Variants in FGD1 observed in about 807,000 individuals in gnomAD.
FGD1 encodes the protein FYVE, RhoGEF and PH domain containing 1.
FGD1 carries 12 observed loss-of-function variants against 65.0 expected under a neutral mutation model. The ratio of observed to expected loss-of-function variants is 0.18; its 90% CI spans 0.12 to 0.30. The LOEUF (loss-of-function observed/expected upper bound fraction) is 0.30. Among genes scored for constraint, FGD1 ranks in the 10% least tolerant of loss-of-function variants. The pLI is 1.00. For synonymous variants in FGD1, 333 were observed against 343.9 expected (o/e 0.97, Z 0.35); for missense variants, 542 against 837.6 (o/e 0.65, Z 4.36).
At chrX:54,452,609 G>A (rs554094230) in intron 12 of FGD1, among the ~76,000 whole-genome samples, 8 of 110,673 alleles carry the variant, frequency 7.2e-5, no homozygotes, top group Admixed American at 5.8e-4. Context: ...AGCCGGGCGC[G>A]GTGGCATGCA....
intron 12 of FGD1, among the ~76,000 whole-genome samples, chrX:54,451,288 ATTCTT>A (rs1922371482): frequency 9.3e-6 from 1 of 107,101 alleles, no homozygotes; most frequent in Non-Finnish European, 1.9e-5. Flanking sequence ...TTCTGACTGT[ATTCTT>A]TTTTTTTTTG....
Position 54,448,953 on chromosome X carries a change from C to T in FGD1, c.2289G>A (p.Lys763=), listed in dbSNP as rs150865566. 277 of 1,209,024 alleles carry T rather than the reference C, an allele frequency of 2.3e-4. 1 individual carries two copies. Among genetic ancestry groups the T allele is most frequent in the Non-Finnish European group, 2.9e-4 (258 of 894,521 alleles). Residue 763 remains lysine, a synonymous_variant, in exon 16 of 18, where the codon AAG becomes AAA. Coordinates refer to ENST00000375135, the MANE Select transcript of FGD1 (RefSeq NM_004463.3). The part of the protein sequence containing the change: ...CKACGHVVCG[K]CSEFRARLVY... ...CGAGGCGGGCCCGGAACTCGGAGCA[C>T]TTCCCACAAACCACCTGGGGTGGCA... is the stretch of plus-strand genomic sequence containing the variant.
chrX:54,465,405 C>A, intron 8 of FGD1, 46 bp downstream of exon 8: 1 of 1,181,445 alleles, frequency 8.5e-7, no homozygotes, highest in Non-Finnish European at 1.1e-6. Context: ...TGGCCTAGAG[C>A]TATTAGTGTG....
Position 54,467,936 on chromosome X carries a change from T to G in FGD1, c.1192-4A>C. ...CCAGCAGCCGGGCACAGAACACCTGTGGGGCAGGGCAGAAGCACTCAGCCC... is the reference window on the plus strand; with the variant it reads ...CCAGCAGCCGGGCACAGAACACCTGGGGGGCAGGGCAGAAGCACTCAGCCC... On this transcript the variant is annotated splice_polypyrimidine_tract_variant and splice_region_variant and intron_variant, in intron 5 of 17. Coordinates refer to ENST00000375135, the MANE Select transcript of FGD1 (RefSeq NM_004463.3). The G allele has an allele frequency of 8.5e-7, 1 of 1,175,388 alleles. No individual in the cohort carries two copies. The highest frequency in any genetic ancestry group is 1.1e-6 in the Non-Finnish European group (1 of 876,689).
At chrX:54,483,538 G>C (rs761250182) in intron 1 of FGD1, among the ~76,000 whole-genome samples, 1 of 112,291 alleles carries the variant, frequency 8.9e-6, no homozygotes, top group Non-Finnish European at 1.9e-5. Context: ...TTCCCTGCAG[G>C]GGCCATGGGG....
chrX:54,482,236 G>GCACACACACA (rs759070309), intron 1 of FGD1, among the ~76,000 whole-genome samples: 3,964 of 99,326 alleles, frequency 0.04, 173 homozygotes, highest in East Asian at 0.33. Flanking sequence ...GCACACGCGC[G>GCACACACACA]CACACACACA....
intron 1 of FGD1, among the ~76,000 whole-genome samples, chrX:54,472,474 C>A (rs946882386): frequency 9.0e-6 from 1 of 110,643 alleles, no homozygotes; most frequent in Non-Finnish European, 1.9e-5. Context: ...AAAGGGGAGG[C>A]CTTTTTATAC....
Position 54,446,358 on chromosome X carries a change from C to T in FGD1, c.2637G>A (p.Glu879=). The part of the protein sequence containing the change: ...PLIGFEVGPP[E]AGERPDRRHV... ...GCCTTCTGTCAGGCCGCTCCCCTGC[C>T]TCGGGCGGTCCCACCTCGAAGCCAA... The change falls in exon 18 of 18, where the codon GAG becomes GAA. Residue 879 remains glutamate, a synonymous_variant. Transcript: ENST00000375135. 8.3e-7 allele frequency: 1 copy of T among 1,211,022 alleles called. No homozygotes were observed. The highest frequency in any genetic ancestry group is 1.1e-6 in the Non-Finnish European group (1 of 895,114).
chrX:54,459,646 G>A (rs887664941), intron 8 of FGD1, among the ~76,000 whole-genome samples: 2 of 111,385 alleles, frequency 1.8e-5, no homozygotes, highest in Non-Finnish European at 3.8e-5. Flanking sequence ...CTCAGCTTAC[G>A]ATCTTGGGCT....
chrX:54,446,871 A>T (rs1416053347), intron 17 of FGD1, among the ~76,000 whole-genome samples: 1 of 108,974 alleles, frequency 9.2e-6, no homozygotes, highest in African/African-American at 3.3e-5. Flanking sequence ...CTACAGGCAC[A>T]CGTCACCACG....
intron 1 of FGD1, among the ~76,000 whole-genome samples, chrX:54,473,400 G>T (rs1389737198): frequency 9.0e-6 from 1 of 111,647 alleles, no homozygotes; most frequent in Non-Finnish European, 1.9e-5. Flanking sequence ...TACCATGTCA[G>T]ACACAATCAC....
rs1020105937 is a variant in FGD1 at position 54,457,614 on chromosome X, T to C, written c.1637-1047A>G. Among the ~76,000 whole-genome samples, 13 of 111,519 alleles carry C rather than the reference T, an allele frequency of 1.2e-4. No individual in the cohort carries two copies. In the East Asian group the frequency reaches 3.6e-3, roughly 31 times the overall value. On this transcript the variant is annotated intron_variant, in intron 8 of 17. Transcript: ENST00000375135. ...TAATCTGGGAAATGCTCAGGGTGTT[T>C]TAAGAAAAGGATACAAACATGTTTA...
chrX:54,467,846 G>A lies in FGD1; in HGVS notation c.1278C>T (p.Cys426=). Residue 426 remains cysteine (C), a synonymous_variant, in exon 6 of 18, where the codon TGC becomes TGT. Coordinates refer to ENST00000375135, the MANE Select transcript of FGD1 (RefSeq NM_004463.3). ...DVVHGIFSNI[C]SIYCFHQQFL... is the part of the protein sequence containing the mutation. ...ACTGCTGGTGGAAGCAATAGATGGAGCAGATGTTAGAGAAGATGCCGTGGA... is the reference window on the plus strand; with the variant it reads ...ACTGCTGGTGGAAGCAATAGATGGAACAGATGTTAGAGAAGATGCCGTGGA... The A allele has an allele frequency of 8.5e-7, 1 of 1,170,596 alleles. No individual in the cohort carries two copies.
intron 1 of FGD1, among the ~76,000 whole-genome samples, chrX:54,486,076 A>G (rs1923267672): frequency 9.3e-6 from 1 of 107,034 alleles, no homozygotes; most frequent in African/African-American, 3.4e-5. Flanking sequence ...CCCGGCAAAT[A>G]TGCTTTATTT....
intron 1 of FGD1, among the ~76,000 whole-genome samples, chrX:54,491,357 C>T (rs1358019341): frequency 1.8e-5 from 2 of 112,092 alleles, no homozygotes; most frequent in African/African-American, 3.2e-5. Flanking sequence ...TAGCCATTCA[C>T]GAGAGCTGAG....
intron 8 of FGD1, among the ~76,000 whole-genome samples, chrX:54,460,575 T>A (rs61654082): frequency 0.16 from 17,219 of 110,972 alleles, 2,135 homozygotes; most frequent in African/African-American, 0.42. Flanking sequence ...ACACTGTCTC[T>A]ACCCAAAATA....
At chrX:54,464,745 G>C (rs1296332970) in intron 8 of FGD1, among the ~76,000 whole-genome samples, 1 of 111,124 alleles carries the variant, frequency 9.0e-6, no homozygotes, top group Admixed American at 9.6e-5. Context: ...AGTCTGGGGA[G>C]GAGGTATCTC....
chrX:54,464,556 C>T (rs1922718768), intron 8 of FGD1, among the ~76,000 whole-genome samples: 1 of 111,312 alleles, frequency 9.0e-6, no homozygotes, highest in Non-Finnish European at 1.9e-5. Context: ...GAACAATGCA[C>T]AAAAACATGG....
Position 54,465,753 on chromosome X carries a change from C to T in FGD1, c.1440G>A (p.Leu480=). The change falls in exon 7 of 18, where the codon CTG becomes CTA. Residue 480 remains leucine, a synonymous_variant. Transcript: ENST00000375135. ...YVKNFDRAVE[L]VNTWTERSTQ... is the part of the protein sequence containing the mutation. ...TGGAGCGCTCTGTCCAGGTGTTGAC[C>T]AGCTCCACGGCCCGGTCAAAGTTCT... 8.3e-7 allele frequency: 1 copy of T among 1,211,355 alleles called. No homozygotes were observed. The highest frequency in any genetic ancestry group is 1.1e-6 in the Non-Finnish European group (1 of 895,480).
Sources: gnomAD v4.1 joint callset for allele counts (sites outside exome capture counted in the v4.1 genomes callset) on GRCh38, gnomAD v4.1.1 for gene constraint, MANE v1.5 for transcripts, NCBI Gene and HGNC (gene_info 2026-07-23, HGNC 2026-07-21) for gene names.